NLGN4X: variants seen among roughly 807,000 people sequenced by gnomAD.
NLGN4X encodes the protein neuroligin 4 X-linked, also known as neuroligin-4, X-linked.
Under a neutral mutation model 40.3 loss-of-function variants are expected in NLGN4X, and 3 were observed. That is an observed-to-expected ratio of 0.07 (90% CI 0.03 to 0.19). The LOEUF is 0.19. Ranked by LOEUF, NLGN4X falls within the 10% of genes least tolerant of loss-of-function variation. The probability of loss-of-function intolerance (pLI) is 1.00; values close to 1 mark genes in which losing one functional copy is unlikely to be tolerated. For missense variants in NLGN4X, 382 were observed against 708.3 expected, an observed-to-expected ratio of 0.54 and a Z score of 5.23; for synonymous variants, 270 against 306.8, an observed-to-expected ratio of 0.88 and a Z score of 1.25.
rs1239231794 is a variant in NLGN4X, at chrX:6,005,280, T to G, written c.625+24000A>C. ...CATTGTGGAAGTAAAATGGCATTCC[T>G]CCAAAAAATGGACCAACGAATACAT... On this transcript the variant is annotated intron_variant, in intron 3 of 5. Coordinates refer to ENST00000381095, the MANE Select transcript of NLGN4X (RefSeq NM_181332.3). Among the ~76,000 whole-genome samples, 8 of 111,851 alleles carry G rather than the reference T, an allele frequency of 7.2e-5. No homozygotes were observed. In the Admixed American group the frequency reaches 7.6e-4, roughly 11 times the overall value.
At chrX:6,082,553 A>C (rs2038376346) in intron 2 of NLGN4X, among the ~76,000 whole-genome samples, 1 of 111,576 alleles carries the variant, frequency 9.0e-6, no homozygotes, top group Non-Finnish European at 1.9e-5. Flanking sequence ...AACATAAAAA[A>C]TAAAAATAAG....
intron 1 of NLGN4X, among the ~76,000 whole-genome samples, chrX:6,177,198 G>A (rs1311129901): frequency 8.9e-6 from 1 of 111,789 alleles, no homozygotes; most frequent in Non-Finnish European, 1.9e-5. Context: ...TCACTCTGTT[G>A]CCCAGGCTAG....
intron 3 of NLGN4X, among the ~76,000 whole-genome samples, chrX:6,002,076 C>T (rs1040860422): frequency 1.3e-4 from 14 of 110,841 alleles, no homozygotes; most frequent in African/African-American, 3.9e-4. Context: ...GTGGGGGGTG[C>T]ATGGCAACAT....
At chrX:6,024,369 T>G (rs1371289603) in intron 3 of NLGN4X, among the ~76,000 whole-genome samples, 2 of 111,196 alleles carry the variant, frequency 1.8e-5, no homozygotes, top group Non-Finnish European at 3.8e-5. Flanking sequence ...TGAGAGGCAT[T>G]GGTGAACTTG....
At chrX:5,898,997 C>G (rs752058757) in intron 5 of NLGN4X, among the ~76,000 whole-genome samples, 5 of 112,117 alleles carry the variant, frequency 4.5e-5, no homozygotes, top group African/African-American at 1.6e-4. Context: ...CATCCACTGA[C>G]GAATACCTAG....
intron 2 of NLGN4X, among the ~76,000 whole-genome samples, chrX:6,077,310 G>GTGGTGTGTGTGTGTGGT (rs1168394609): frequency 0.17 from 17,377 of 102,101 alleles, 1,659 homozygotes; most frequent in Non-Finnish European, 0.23. Context: ...GTGTGTGTGT[G>GTGGTGTGTGTGTGTGGT]GTGTGTGTGT....
intron 1 of NLGN4X, among the ~76,000 whole-genome samples, chrX:6,174,573 A>C (rs2040681068): frequency 8.9e-6 from 1 of 112,362 alleles, no homozygotes. Flanking sequence ...AATAAAGAAA[A>C]TGTGGTCTCC....
rs181747297 is a variant in NLGN4X at position 6,040,322 on chromosome X, T to C, written c.473-10890A>G. On this transcript the variant is annotated intron_variant, in intron 2 of 5. Coordinates refer to ENST00000381095, the MANE Select transcript of NLGN4X (RefSeq NM_181332.3). The stretch of plus-strand genomic sequence containing the variant: ...CTGAGGAAAATTAGGTATACAGATA[T>C]TAAATAATTTGCCCAAGTTTACACA... 7.2e-5 allele frequency among the ~76,000 whole-genome samples: 8 copies of C among 111,636 alleles called. No homozygotes were observed. The East Asian group carries it at 1.7e-3, about 24-fold the overall frequency.
At chrX:6,161,465 T>G (rs1602344199) in intron 1 of NLGN4X, among the ~76,000 whole-genome samples, 1 of 100,667 alleles carries the variant, frequency 9.9e-6, no homozygotes, top group African/African-American at 3.5e-5. Context: ...TAAAATATAA[T>G]AAAAAACATA....
At chrX:6,109,267 T>C (rs958688610) in intron 2 of NLGN4X, among the ~76,000 whole-genome samples, 1 of 111,259 alleles carries the variant, frequency 9.0e-6, no homozygotes, top group African/African-American at 3.3e-5. Flanking sequence ...ACCCAGTCTC[T>C]AAAAAAATAA....
chrX:6,060,630 G>A (rs1010597186), intron 2 of NLGN4X, among the ~76,000 whole-genome samples: 43 of 111,244 alleles, frequency 3.9e-4, no homozygotes, highest in African/African-American at 1.4e-3. Flanking sequence ...CCAATCCCTC[G>A]TGCTCCATCT....
At chrX:5,917,268 C>T (rs763769302) in intron 3 of NLGN4X, among the ~76,000 whole-genome samples, 1 of 112,487 alleles carries the variant, frequency 8.9e-6, no homozygotes, top group South Asian at 3.7e-4. Flanking sequence ...GAAGGTCAGT[C>T]TCTGCATCTT....
At chrX:6,030,392 A>ATGTGTGTGTGTGTGTGTG (rs56353701) in intron 2 of NLGN4X, among the ~76,000 whole-genome samples, 1 of 68,298 alleles carries the variant, frequency 1.5e-5, no homozygotes, top group African/African-American at 1.0e-4. Context: ...CTGGATACAG[A>ATGTGTGTGTGTGTGTGTG]TATGTGTGTG....
chrX:5,969,866 CT>C (rs1034775062), intron 3 of NLGN4X, among the ~76,000 whole-genome samples: 14 of 109,940 alleles, frequency 1.3e-4, no homozygotes, highest in Admixed American at 3.9e-4. Flanking sequence ...AGTTCGTGTC[CT>C]TTGTAGGGAC....
At chrX:6,185,878 T>C (rs903044309) in intron 1 of NLGN4X, among the ~76,000 whole-genome samples, 2 of 111,623 alleles carry the variant, frequency 1.8e-5, no homozygotes, top group African/African-American at 6.5e-5. Context: ...CTGCAGCTTC[T>C]TGTGTTGTTG....
In NLGN4X at chrX:6,084,100, A is replaced by T. The variant is rs988251244; in HGVS notation, c.473-54668T>A. 5.3e-5 allele frequency among the ~76,000 whole-genome samples: 6 copies of T among 112,392 alleles called. No individual in the cohort carries two copies. In the South Asian group the frequency reaches 1.1e-3, roughly 21 times the overall value. On this transcript the variant is annotated intron_variant, in intron 2 of 5. Coordinates refer to ENST00000381095, the MANE Select transcript of NLGN4X (RefSeq NM_181332.3). ...CACAATTGTAGAATAAAACCAGAAC[A>T]TAGTGATAAAATGAAAAGGAATAAG...
intron 2 of NLGN4X, among the ~76,000 whole-genome samples, chrX:6,086,111 C>T (rs916369191): frequency 1.8e-5 from 2 of 111,884 alleles, no homozygotes; most frequent in African/African-American, 6.5e-5. Flanking sequence ...GAAGCCCAGA[C>T]AGAATTTCTT....
At chrX:5,978,601 C>A (rs1014376088) in intron 3 of NLGN4X, among the ~76,000 whole-genome samples, 1 of 111,427 alleles carries the variant, frequency 9.0e-6, no homozygotes, top group African/African-American at 3.3e-5. Flanking sequence ...AATACTAGTT[C>A]CCCATTGTTG....
chrX:6,213,449 C>T (rs781536758), intron 1 of NLGN4X, among the ~76,000 whole-genome samples: 3 of 111,449 alleles, frequency 2.7e-5, no homozygotes, highest in African/African-American at 9.8e-5. Flanking sequence ...TAGGTGGACA[C>T]CAGTGAAATC....
Sources: allele counts gnomAD v4.1 joint callset (sites outside exome capture counted in the v4.1 genomes callset), GRCh38; gene constraint gnomAD v4.1.1; transcripts MANE v1.5; gene names NCBI Gene and HGNC (gene_info 2026-07-23, HGNC 2026-07-21).